The following SGCD variants were observed in gnomAD, a reference collection of about 807,000 sequenced individuals.
SGCD encodes sarcoglycan delta.
Under a neutral mutation model 36.6 loss-of-function variants are expected in SGCD, and 18 were observed. That is an observed-to-expected ratio of 0.49 (90% CI 0.34 to 0.73). The LOEUF is 0.73. SGCD is among the 30% of genes least tolerant of loss of function. The pLI is 0.01. For synonymous variants in SGCD, 133 were observed against 130.6 expected (o/e 1.02, Z -0.12); for missense variants, 387 against 346.7 (o/e 1.12, Z -0.92).
chr5:156,727,000 C>A (rs1237701812), intron 7 of SGCD, among the ~76,000 whole-genome samples: 4 of 152,094 alleles, frequency 2.6e-5, no homozygotes, highest in Admixed American at 2.6e-4. Flanking sequence ...AACACATAAC[C>A]AAGCCTCAAA....
intron 4 of SGCD, among the ~76,000 whole-genome samples, chr5:156,579,101 G>T (rs1581198972): frequency 1.3e-5 from 2 of 152,076 alleles, no homozygotes; most frequent in South Asian, 4.2e-4. Flanking sequence ...CAGAGATTCT[G>T]GTATGTTGTG....
At chr5:156,229,350 A>G (rs1581181863) in intron 3 of SGCD, among the ~76,000 whole-genome samples, 1 of 132,588 alleles carries the variant, frequency 7.5e-6, no homozygotes, top group East Asian at 2.2e-4. Flanking sequence ...TGACTAATTC[A>G]GGTGGCTTGG....
intron 3 of SGCD, among the ~76,000 whole-genome samples, chr5:156,153,285 T>G (rs1312000665): frequency 2.0e-5 from 3 of 151,442 alleles, no homozygotes; most frequent in Non-Finnish European, 4.4e-5. Context: ...AAATAGGACT[T>G]TGGTTCTCTT....
intron 1 of SGCD, among the ~76,000 whole-genome samples, chr5:156,048,828 A>C (rs182416343): frequency 0.011 from 1,723 of 152,138 alleles, 24 homozygotes; most frequent in Non-Finnish European, 0.019. Flanking sequence ...CTTTAGTTTA[A>C]TTAGATCCCA....
In SGCD at chr5:156,162,132, A is replaced by G. The variant is rs1835923; in HGVS notation, c.-44+38113A>G. On this transcript the variant is annotated intron_variant, in intron 3 of 9. Transcript: ENST00000517913. ...GGTGGTGGGGGTGGGGGTGGAGTGGATAAAGAGAGGTAAGCCAAGGAAGGA... is the reference window on the plus strand; with the variant it reads ...GGTGGTGGGGGTGGGGGTGGAGTGGGTAAAGAGAGGTAAGCCAAGGAAGGA... Among the ~76,000 whole-genome samples, 280 of 151,402 alleles carry G rather than the reference A, an allele frequency of 1.8e-3. 7 individuals are homozygous for G. Among genetic ancestry groups the G allele is most frequent in the African/African-American group, 6.6e-3 (270 of 40,766 alleles).
At chr5:156,675,074 A>T (rs531639003) in intron 7 of SGCD, among the ~76,000 whole-genome samples, 1 of 152,168 alleles carries the variant, frequency 6.6e-6, no homozygotes, top group Non-Finnish European at 1.5e-5. Flanking sequence ...CACTTGGTAA[A>T]GATGAGCAGA....
chr5:156,368,257 AT>A (rs1403371305), intron 3 of SGCD, among the ~76,000 whole-genome samples: 1 of 151,830 alleles, frequency 6.6e-6, no homozygotes, highest in South Asian at 2.1e-4. Flanking sequence ...TACCCAGCTA[AT>A]TTTTTTGTAT....
intron 1 of SGCD, among the ~76,000 whole-genome samples, chr5:155,956,764 T>A (rs1757660569): frequency 6.8e-6 from 1 of 147,238 alleles, no homozygotes; most frequent in Non-Finnish European, 1.5e-5. Context: ...TGTCTTCTCT[T>A]CTTTTTATAA....
At chr5:156,285,545 A>G (rs1766570489) in intron 3 of SGCD, among the ~76,000 whole-genome samples, 2 of 152,226 alleles carry the variant, frequency 1.3e-5, no homozygotes, top group South Asian at 4.1e-4. Flanking sequence ...CTGATATTTG[A>G]CAAACCTGAC....
intron 4 of SGCD, among the ~76,000 whole-genome samples, chr5:156,555,376 C>A (rs1216066262): frequency 6.6e-6 from 1 of 152,046 alleles, no homozygotes; most frequent in Non-Finnish European, 1.5e-5. Flanking sequence ...ATCTTCAATC[C>A]ATTTTGAGTT....
chr5:156,213,693 T>C (rs1764505056), intron 3 of SGCD, among the ~76,000 whole-genome samples: 2 of 152,072 alleles, frequency 1.3e-5, no homozygotes, highest in Non-Finnish European at 2.9e-5. Flanking sequence ...ACAGTATCCC[T>C]AATTAGGATT....
intron 3 of SGCD, among the ~76,000 whole-genome samples, chr5:156,297,690 T>C (rs921220184): frequency 6.6e-5 from 10 of 150,820 alleles, no homozygotes; most frequent in Non-Finnish European, 1.2e-4. Context: ...CTATGCTAGA[T>C]GACGAGTTAG....
the SGCD span, among the ~76,000 whole-genome samples, chr5:155,857,740 ATCTTTC>A: frequency 6.6e-6 from 1 of 151,834 alleles, no homozygotes; most frequent in Admixed American, 6.6e-5. Flanking sequence ...AGTCTAATTT[ATCTTTC>A]TCTTTCTTTT....
At chr5:156,656,448 G>A (rs115546887) in intron 7 of SGCD, among the ~76,000 whole-genome samples, 24 of 152,058 alleles carry the variant, frequency 1.6e-4, no homozygotes, top group African/African-American at 5.1e-4. Context: ...AGAGAGAAGA[G>A]AGAAAAGGTA....
At chr5:156,496,255 C>T (rs1026381866) in intron 3 of SGCD, among the ~76,000 whole-genome samples, 5 of 152,116 alleles carry the variant, frequency 3.3e-5, no homozygotes, top group African/African-American at 1.2e-4. Context: ...TTTGACCTGA[C>T]AGCCAGAGGA....
chr5:156,295,947 G>T (rs763902266), intron 3 of SGCD, among the ~76,000 whole-genome samples: 1 of 152,124 alleles, frequency 6.6e-6, no homozygotes, highest in Non-Finnish European at 1.5e-5. Context: ...AGCATGCCTC[G>T]CAGGGCCAGT....
chr5:156,506,149 A>G (rs985643038), intron 3 of SGCD, among the ~76,000 whole-genome samples: 1 of 152,220 alleles, frequency 6.6e-6, no homozygotes, highest in Non-Finnish European at 1.5e-5. Flanking sequence ...TGTTAGTACA[A>G]TAGTGACATT....
intron 1 of SGCD, among the ~76,000 whole-genome samples, chr5:155,924,698 T>C (rs1318581079): frequency 6.6e-6 from 1 of 152,216 alleles, no homozygotes; most frequent in East Asian, 1.9e-4. Flanking sequence ...GATCTCAGTA[T>C]GTCCTTAGGT....
At chr5:156,166,348 G>A (rs778279330) in intron 3 of SGCD, among the ~76,000 whole-genome samples, 1 of 151,860 alleles carries the variant, frequency 6.6e-6, no homozygotes, top group Non-Finnish European at 1.5e-5. Flanking sequence ...ATGGAGTCTC[G>A]CTCTGTCACC....
Sources: gnomAD v4.1 joint callset for allele counts (sites outside exome capture counted in the v4.1 genomes callset) on GRCh38, gnomAD v4.1.1 for gene constraint, MANE v1.5 for transcripts, NCBI Gene and HGNC (gene_info 2026-07-23, HGNC 2026-07-21) for gene names.